The following MGAT4C variants were observed in gnomAD, a reference collection of about 807,000 sequenced individuals.
MGAT4C encodes the protein alpha-1,3-mannosyl-glycoprotein 4-beta-N-acetylglucosaminyltransferase C.
A neutral mutation model predicts 40.1 loss-of-function variants in MGAT4C; 19 were observed. That is an observed-to-expected ratio of 0.47 (90% CI 0.33 to 0.70). The LOEUF (loss-of-function observed/expected upper bound fraction) is 0.70. Among genes scored for constraint, MGAT4C ranks in the 30% least tolerant of loss-of-function variants. The pLI, the probability that MGAT4C is intolerant of heterozygous loss-of-function variation, is 0.02. For synonymous variants in MGAT4C, 181 were observed against 187.1 expected (o/e 0.97, Z 0.27); for missense variants, 491 against 563.2 (o/e 0.87, Z 1.30).
Position 85,976,726 on chromosome 12 carries a change from AT to A in MGAT4C, c.*2562del, listed in dbSNP as rs908169097. On this transcript the variant is annotated 3_prime_UTR_variant, in exon 5 of 5. Transcript: ENST00000611864. ...ATATATATATAAACTTACAGCAAAAATGTTTAAAAATAGCAAATAGTTTGAG... is the reference window on the plus strand; with the variant it reads ...ATATATATATAAACTTACAGCAAAAAGTTTAAAAATAGCAAATAGTTTGAG... 4 of 148,142 alleles carry A rather than the reference AT, an allele frequency of 2.7e-5. No individual in the cohort carries two copies. Among genetic ancestry groups the A allele is most frequent in the Non-Finnish European group, 6.0e-5 (4 of 66,668 alleles). 9.2% of individuals were successfully genotyped at this position (148,142 alleles called of 1,614,324 possible).
rs5799763 is a variant in MGAT4C, at chr12:85,957,657, C to CAAAAAAAAAAAAAAAAAAAAAAAAAAAG, written c.*21631_*21632insCTTTTTTTTTTTTTTTTTTTTTTTTTTT. 1 of 101,306 alleles carries CAAAAAAAAAAAAAAAAAAAAAAAAAAAG rather than the reference C, an allele frequency of 9.9e-6. No individual in the cohort carries two copies. 6.3% of individuals were successfully genotyped at this position (101,306 alleles called of 1,614,324 possible). A position where few individuals can be genotyped will look rare whatever the true frequency, so the allele number is the denominator to read the frequency against. On this transcript the variant is annotated 3_prime_UTR_variant, in exon 5 of 5. Coordinates refer to ENST00000611864, the MANE Select transcript of MGAT4C (RefSeq NM_001351288.2). ...TTTACTGTAGAGTTGAATAAGAAAGCAAAAAAAAAAAAAAAAGAAAAAAGA... is the reference window on the plus strand; with the variant it reads ...TTTACTGTAGAGTTGAATAAGAAAGCAAAAAAAAAAAAAAAAAAAAAAAAAAAGAAAAAAAAAAAAAAAAGAAAAAAGA...
intron 2 of MGAT4C, among the ~76,000 whole-genome samples, chr12:86,512,158 A>G (rs1958599196): frequency 6.6e-6 from 1 of 152,166 alleles, no homozygotes; most frequent in Non-Finnish European, 1.5e-5. Context: ...TCAAATAGGT[A>G]TATAAAAAGA....
intron 2 of MGAT4C, among the ~76,000 whole-genome samples, chr12:86,625,382 T>C (rs779677439): frequency 1.3e-5 from 2 of 152,150 alleles, no homozygotes; most frequent in Admixed American, 6.5e-5. Flanking sequence ...ATGAGAACAA[T>C]ATTGTGCACA....
At chr12:86,014,980 T>TTA (rs952722664) in intron 2 of MGAT4C, among the ~76,000 whole-genome samples, 1 of 143,598 alleles carries the variant, frequency 7.0e-6, no homozygotes, top group African/African-American at 2.6e-5. Flanking sequence ...CTTTCTTTCT[T>TTA]TTTTTTTTTT....
chr12:86,407,668 A>G (rs1424524260), intron 3 of MGAT4C, among the ~76,000 whole-genome samples: 1 of 151,918 alleles, frequency 6.6e-6, no homozygotes, highest in Admixed American at 6.6e-5. Context: ...CTCAGGTGCA[A>G]TTTGATTCAG....
At chr12:86,587,054 T>C (rs950330622) in intron 2 of MGAT4C, among the ~76,000 whole-genome samples, 6 of 152,128 alleles carry the variant, frequency 3.9e-5, no homozygotes, top group Admixed American at 3.9e-4. Context: ...TGGTATTGCC[T>C]AGGTTTTCTT....
At chr12:86,490,353 C>T (rs1214819328) in intron 2 of MGAT4C, among the ~76,000 whole-genome samples, 1 of 151,928 alleles carries the variant, frequency 6.6e-6, no homozygotes, top group Non-Finnish European at 1.5e-5. Flanking sequence ...AAATAAAATA[C>T]TTTATAGACA....
chr12:86,700,178 C>CAGACAGATAGATAGATAGAT lies in MGAT4C; in HGVS notation c.-229+27030_-229+27031insATCTATCTATCTATCTGTCT, dbSNP rs1386887962. Among the ~76,000 whole-genome samples the CAGACAGATAGATAGATAGAT allele has an allele frequency of 2.8e-5, 4 of 140,770 alleles. No homozygotes were observed. In the East Asian group the frequency reaches 6.5e-4, roughly 23 times the overall value. The allele number at this position is 140,770 out of a possible 152,430, so 92.4% of individuals were successfully genotyped here. A position where few individuals can be genotyped will look rare whatever the true frequency, so the allele number is the denominator to read the frequency against. On this transcript the variant is annotated intron_variant, in intron 2 of 7. Transcript: ENST00000548651. ...ACAGACAGACAGACAGACAGACAGA[C>CAGACAGATAGATAGATAGAT]AGATAGATAGATAGATAGATAGATA...
intron 3 of MGAT4C, among the ~76,000 whole-genome samples, chr12:86,398,824 C>A (rs1592790708): frequency 6.6e-6 from 1 of 152,072 alleles, no homozygotes; most frequent in South Asian, 2.1e-4. Flanking sequence ...AGGTCAGAGA[C>A]TTCCATTTTA....
At chr12:86,726,384 A>G (rs1314925777) in intron 2 of MGAT4C, among the ~76,000 whole-genome samples, 1 of 152,188 alleles carries the variant, frequency 6.6e-6, no homozygotes, top group Non-Finnish European at 1.5e-5. Context: ...CCATTTGAAT[A>G]ACACTGCTGT....
intron 1 of MGAT4C, among the ~76,000 whole-genome samples, chr12:86,822,293 A>C: frequency 6.6e-6 from 1 of 151,244 alleles, no homozygotes; most frequent in East Asian, 1.9e-4. Flanking sequence ...AGGAAGAAAC[A>C]AAAGGACTGC....
In MGAT4C at chr12:85,972,037, A is replaced by T. The variant is rs999375406; in HGVS notation, c.*7252T>A. Reference sequence around the variant, plus strand: ...ATACATACATTGGTTTATGGATTTAATGAAAATATCCCCAACCATTACATT... The same window carrying T: ...ATACATACATTGGTTTATGGATTTATTGAAAATATCCCCAACCATTACATT... On this transcript the variant is annotated 3_prime_UTR_variant, in exon 5 of 5. Transcript: ENST00000611864. The T allele has an allele frequency of 6.6e-6, 1 of 151,218 alleles. No homozygotes were observed. The highest frequency in any genetic ancestry group is 1.5e-5 in the Non-Finnish European group (1 of 67,334). 9.4% of individuals were successfully genotyped at this position (151,218 alleles called of 1,614,324 possible).
At chr12:86,110,299 T>TATATATATATAGA (rs1421581282) in intron 1 of MGAT4C, among the ~76,000 whole-genome samples, 4 of 13,182 alleles carry the variant, frequency 3.0e-4, no homozygotes, top group African/African-American at 1.4e-3. Flanking sequence ...ATATAGTCTC[T>TATATATATATAGA]CTATATATAT....
chr12:86,633,356 C>T (rs1963122265), intron 2 of MGAT4C, among the ~76,000 whole-genome samples: 1 of 152,070 alleles, frequency 6.6e-6, no homozygotes, highest in African/African-American at 2.4e-5. Context: ...TATCAAAGGT[C>T]ATTTAAGAAT....
intron 1 of MGAT4C, among the ~76,000 whole-genome samples, chr12:86,783,635 A>G (rs1287012954): frequency 6.6e-6 from 1 of 152,162 alleles, no homozygotes; most frequent in Non-Finnish European, 1.5e-5. Context: ...GACTAAATGC[A>G]CTTTCTACCT....
At chr12:86,585,516 C>T (rs762471700) in intron 2 of MGAT4C, among the ~76,000 whole-genome samples, 1 of 151,226 alleles carries the variant, frequency 6.6e-6, no homozygotes, top group Non-Finnish European at 1.5e-5. Context: ...ATGCTATTTG[C>T]AATGGGAAAA....
chr12:86,765,492 T>C (rs1951489065), intron 1 of MGAT4C, among the ~76,000 whole-genome samples: 1 of 152,074 alleles, frequency 6.6e-6, no homozygotes, highest in African/African-American at 2.4e-5. Flanking sequence ...CAGGCCAACA[T>C]TCAGAATCAG....
chr12:86,518,357 A>C (rs990146632), intron 2 of MGAT4C, among the ~76,000 whole-genome samples: 4 of 152,214 alleles, frequency 2.6e-5, no homozygotes, highest in Non-Finnish European at 5.9e-5. Flanking sequence ...GTAAATAATA[A>C]GACAAAGTAA....
chr12:86,628,425 AC>A (rs1259763355), intron 2 of MGAT4C, among the ~76,000 whole-genome samples: 1 of 151,886 alleles, frequency 6.6e-6, no homozygotes, highest in Non-Finnish European at 1.5e-5. Flanking sequence ...GAGAAGAGCA[AC>A]CCCAAGACAC....
Sources: allele counts gnomAD v4.1 joint callset (sites outside exome capture counted in the v4.1 genomes callset), GRCh38; gene constraint gnomAD v4.1.1; transcripts MANE v1.5; gene names NCBI Gene and HGNC (gene_info 2026-07-23, HGNC 2026-07-21).